The following BMPR1B variants were observed in gnomAD, a reference collection of about 807,000 sequenced individuals.
BMPR1B encodes the protein bone morphogenetic protein receptor type-1B.
In BMPR1B, 12 loss-of-function variants were observed where a neutral mutation model predicts 59.1. That is an observed-to-expected ratio of 0.20 (90% CI 0.13 to 0.33). The LOEUF is 0.33. Among genes scored for constraint, BMPR1B ranks in the 10% least tolerant of loss-of-function variants. The pLI is 1.00. For missense variants in BMPR1B, 550 were observed against 610.9 expected (o/e 0.90, Z 1.05); for synonymous variants, 237 against 207.3 (o/e 1.14, Z -1.23).
At chr4:94,814,603 C>A (rs569445686) in intron 1 of BMPR1B, among the ~76,000 whole-genome samples, 2 of 152,150 alleles carry the variant, frequency 1.3e-5, no homozygotes, top group South Asian at 2.1e-4. Flanking sequence ...TAATGCAATA[C>A]CCTTATTTAA....
intron 10 of BMPR1B, among the ~76,000 whole-genome samples, chr4:95,140,963 T>A (rs761893949): frequency 3.2e-4 from 48 of 152,250 alleles, no homozygotes; most frequent in Non-Finnish European, 5.6e-4. Context: ...GAGGGACTAT[T>A]TTAAGGGATA....
intron 2 of BMPR1B, among the ~76,000 whole-genome samples, chr4:94,905,079 T>C (rs533850364): frequency 6.6e-6 from 1 of 152,206 alleles, no homozygotes; most frequent in African/African-American, 2.4e-5. Flanking sequence ...TTAAGTCATA[T>C]TCTGTTTGTG....
chr4:94,813,669 C>G (rs745677806), intron 1 of BMPR1B, among the ~76,000 whole-genome samples: 2 of 151,998 alleles, frequency 1.3e-5, no homozygotes, highest in South Asian at 4.1e-4. Context: ...TAGGTTGAGC[C>G]GCTATGTTGA....
intron 1 of BMPR1B, among the ~76,000 whole-genome samples, chr4:94,855,599 G>A (rs1027057761): frequency 4.6e-5 from 7 of 152,112 alleles, no homozygotes; most frequent in Admixed American, 2.6e-4. Flanking sequence ...CTTATTTTTT[G>A]TTAATCACCT....
chr4:95,150,380 G>C (rs377144712), intron 11 of BMPR1B, among the ~76,000 whole-genome samples: 3 of 151,814 alleles, frequency 2.0e-5, no homozygotes, highest in South Asian at 4.2e-4. Context: ...GAGTCCAAGC[G>C]GGGAGGATCA....
At chr4:95,070,854 C>T (rs1728228342) in intron 3 of BMPR1B, among the ~76,000 whole-genome samples, 1 of 152,158 alleles carries the variant, frequency 6.6e-6, no homozygotes. Flanking sequence ...GACAAAACGC[C>T]TGAGTATCTC....
chr4:95,102,257 A>G (rs997330317), intron 3 of BMPR1B, among the ~76,000 whole-genome samples: 4 of 152,184 alleles, frequency 2.6e-5, no homozygotes, highest in Non-Finnish European at 2.9e-5. Context: ...TCTTACTTCC[A>G]ATCACATGAG....
intron 1 of BMPR1B, among the ~76,000 whole-genome samples, chr4:94,763,957 C>T (rs763149190): frequency 1.1e-4 from 17 of 152,066 alleles, no homozygotes; most frequent in Admixed American, 2.6e-4. Flanking sequence ...TATTATGGAA[C>T]GTGGTGCAGT....
intron 3 of BMPR1B, among the ~76,000 whole-genome samples, chr4:95,077,466 T>C (rs910844134): frequency 6.6e-6 from 1 of 152,140 alleles, no homozygotes; most frequent in Non-Finnish European, 1.5e-5. Flanking sequence ...CCTTCATTCA[T>C]TGATGGATTA....
intron 1 of BMPR1B, among the ~76,000 whole-genome samples, chr4:94,832,937 A>G (rs74853882): frequency 0.12 from 18,259 of 151,980 alleles, 1,166 homozygotes; most frequent in Non-Finnish European, 0.13. Flanking sequence ...TAGGCCGGGA[A>G]CGGTGGCCCA....
intron 3 of BMPR1B, among the ~76,000 whole-genome samples, chr4:95,086,414 C>T (rs549243928): frequency 2.0e-5 from 3 of 152,266 alleles, no homozygotes; most frequent in East Asian, 3.9e-4. Context: ...GCCATTAATG[C>T]GAACCAGTAT....
At chr4:94,808,629 T>C (rs529796352) in intron 1 of BMPR1B, among the ~76,000 whole-genome samples, 2 of 152,340 alleles carry the variant, frequency 1.3e-5, no homozygotes, top group African/African-American at 4.8e-5. Flanking sequence ...ATTCCAGATA[T>C]GCACTTTCAA....
chr4:94,784,707 T>C (rs1177818301), intron 1 of BMPR1B, among the ~76,000 whole-genome samples: 6 of 152,156 alleles, frequency 3.9e-5, no homozygotes, highest in African/African-American at 1.4e-4. Flanking sequence ...CCAGTTGATT[T>C]CTCTGCCCAG....
chr4:94,781,646 G>A (rs1205541081), intron 1 of BMPR1B, among the ~76,000 whole-genome samples: 9 of 152,248 alleles, frequency 5.9e-5, no homozygotes, highest in Admixed American at 3.3e-4. Context: ...TCCTGGCCTC[G>A]TGATCCACCC....
chr4:94,839,744 C>G (rs1175762576), intron 1 of BMPR1B, among the ~76,000 whole-genome samples: 3 of 134,326 alleles, frequency 2.2e-5, no homozygotes, highest in Admixed American at 7.1e-5. Flanking sequence ...TTAATTGGAG[C>G]ATTTAGTCCA....
chr4:94,887,717 G>A lies in BMPR1B; in HGVS notation c.-113+11817G>A, dbSNP rs114280155. Among the ~76,000 whole-genome samples, 437 of 152,020 alleles carry A rather than the reference G, an allele frequency of 2.9e-3. 5 individuals are homozygous for A. Among genetic ancestry groups the A allele is most frequent in the African/African-American group, 0.01 (426 of 41,512 alleles). ...AAGACCAAGAGGATACAAATGACAC[G>A]AAGCAAAATGGGTCATAGAGAAAGT... On this transcript the variant is annotated intron_variant, in intron 2 of 12. Transcript: ENST00000515059.
At chr4:95,049,809 C>G (rs1163941588) in intron 3 of BMPR1B, among the ~76,000 whole-genome samples, 1 of 151,622 alleles carries the variant, frequency 6.6e-6, no homozygotes, top group African/African-American at 2.4e-5. Flanking sequence ...TACATTTTTT[C>G]TTAATTATTT....
chr4:94,808,086 G>A (rs1191939762), intron 1 of BMPR1B, among the ~76,000 whole-genome samples: 1 of 152,096 alleles, frequency 6.6e-6, no homozygotes, highest in Non-Finnish European at 1.5e-5. Context: ...GCTATTATGT[G>A]TACTTGTTAC....
At chr4:95,021,316 A>G (rs1224213043) in intron 3 of BMPR1B, among the ~76,000 whole-genome samples, 2 of 152,212 alleles carry the variant, frequency 1.3e-5, no homozygotes, top group African/African-American at 4.8e-5. Context: ...CTTATTGCAT[A>G]CTTTTGTGTT....
Sources: allele counts gnomAD v4.1 joint callset (sites outside exome capture counted in the v4.1 genomes callset), GRCh38; gene constraint gnomAD v4.1.1; transcripts MANE v1.5; gene names NCBI Gene and HGNC (gene_info 2026-07-23, HGNC 2026-07-21).